ERF: variants seen among roughly 807,000 people sequenced by gnomAD.
ERF encodes ETS2 repressor factor.
In ERF, 10 loss-of-function variants were observed where a neutral mutation model predicts 41.6. The ratio of observed to expected loss-of-function variants is 0.24; its 90% CI spans 0.15 to 0.41. The LOEUF is 0.41. Ranked by LOEUF, ERF falls within the 10% of genes least tolerant of loss-of-function variation. The probability of loss-of-function intolerance (pLI) is 1.00; values close to 1 mark genes in which losing one functional copy is unlikely to be tolerated. For missense variants in ERF, 621 were observed against 763.2 expected (o/e 0.81, Z 2.19); for synonymous variants, 395 against 342.4 (o/e 1.15, Z -1.70).
At position 42,250,624 on chromosome 19, in the gene ERF, T is replaced by A; in HGVS notation, c.23-59A>T. On this transcript the variant is annotated intron_variant, in intron 1 of 3. Coordinates refer to ENST00000222329, the MANE Select transcript of ERF (RefSeq NM_006494.4). The surrounding 1 kb of genome is among the most constrained non-coding windows in gnomAD (Gnocchi z 5.1). ...AGGCTGCCAAGTCCAGGGCTCTGGG[T>A]CCCATCCCAGGGTCCACCTCTGCCC... 3 of 1,545,122 alleles carry A rather than the reference T, an allele frequency of 1.9e-6. No homozygotes were observed. The highest frequency in any genetic ancestry group is 3.7e-5 in the Admixed American group (2 of 54,550).
Position 42,250,698 on chromosome 19 carries a change from G to C in ERF, c.23-133C>G, listed in dbSNP as rs2036429670. 1.2e-6 allele frequency: 1 copy of C among 855,108 alleles called. No individual in the cohort carries two copies. The allele number at this position is 855,108 out of a possible 1,614,324, so 53.0% of individuals were successfully genotyped here. ...TCTCACCTCAGCCAAGTCAAGATCTGATTTAAGAGAAGACAGTGCGTGTCT... is the reference window on the plus strand; with the variant it reads ...TCTCACCTCAGCCAAGTCAAGATCTCATTTAAGAGAAGACAGTGCGTGTCT... On this transcript the variant is annotated intron_variant, in intron 1 of 3. Transcript: ENST00000222329. This position sits in a 1 kb window ranked among gnomAD's most constrained non-coding sequence, Gnocchi z 5.1.
chr19:42,254,039 C>T, intron 1 of ERF: 1 of 623,952 alleles, frequency 1.6e-6, no homozygotes, highest in Non-Finnish European at 2.0e-6. Flanking sequence ...CCGCGCGAGC[C>T]CGGGGGCGGC....
chr19:42,253,210 G>A (rs2036473590), intron 1 of ERF, among the ~76,000 whole-genome samples: 1 of 152,156 alleles, frequency 6.6e-6, no homozygotes. Flanking sequence ...AGAACACGCC[G>A]GCCTCCTGGG....
At chr19:42,253,418 T>TC (rs1161031184) in intron 1 of ERF, among the ~76,000 whole-genome samples, 2 of 149,398 alleles carry the variant, frequency 1.3e-5, no homozygotes, top group Non-Finnish European at 3.0e-5. Flanking sequence ...TCCCCTCCCC[T>TC]CCCCCAGCCG....
rs1220170181 is a variant in ERF, at chr19:42,250,261, A to G, written c.257+70T>C. ...GGGGTCAGACCCAATGCTTGTTCCC[A>G]CAGGCAAGGGGCTGTGCAACCCCGG... is the stretch of plus-strand genomic sequence containing the variant. On this transcript the variant is annotated intron_variant, in intron 2 of 3. Transcript: ENST00000222329. This position sits in a 1 kb window ranked among gnomAD's most constrained non-coding sequence, Gnocchi z 5.1. 3.2e-5 allele frequency: 49 copies of G among 1,541,034 alleles called. No homozygotes were observed. The highest frequency in any genetic ancestry group is 3.0e-5 in the Non-Finnish European group (34 of 1,130,956).
chr19:42,254,936 G>T, intron 1 of ERF, 42 bp downstream of exon 1: 1 of 1,516,742 alleles, frequency 6.6e-7, no homozygotes, highest in Non-Finnish European at 8.8e-7. Flanking sequence ...TCGGTTTCCC[G>T]GGGCAACAAG....
chr19:42,253,586 G>A (rs1185200837), intron 1 of ERF, among the ~76,000 whole-genome samples: 1 of 152,042 alleles, frequency 6.6e-6, no homozygotes, highest in Non-Finnish European at 1.5e-5. Context: ...TGCCCCCAGG[G>A]CCCAGCCACC....
Position 42,248,410 on chromosome 19 carries a change from G to A in ERF, c.*55C>T. 1.4e-6 allele frequency: 2 copies of A among 1,412,108 alleles called. No individual in the cohort carries two copies. The highest frequency in any genetic ancestry group is 1.8e-6 in the Non-Finnish European group (2 of 1,082,234). 87.5% of individuals were successfully genotyped at this position (1,412,108 alleles called of 1,614,324 possible). ...CACCTCCAGGGCATAGGGGGCTTAAGGCAGCAAAAGAAGCATGGGGGGTGC... is the reference window on the plus strand; with the variant it reads ...CACCTCCAGGGCATAGGGGGCTTAAAGCAGCAAAAGAAGCATGGGGGGTGC... On this transcript the variant is annotated 3_prime_UTR_variant, in exon 4 of 4. Coordinates refer to ENST00000222329, the MANE Select transcript of ERF (RefSeq NM_006494.4). This position sits in a 1 kb window ranked among gnomAD's most constrained non-coding sequence, Gnocchi z 4.2.
In ERF at chr19:42,250,971, C is replaced by T. The variant is rs2036435614; in HGVS notation, c.23-406G>A. ...CCCCACTCCCATTCAGAGCCAGTTG[C>T]ACCACCCCAGCTCCTCGGATGTCCT... is the stretch of plus-strand genomic sequence containing the variant. On this transcript the variant is annotated intron_variant, in intron 1 of 3. Transcript: ENST00000222329. This position sits in a 1 kb window ranked among gnomAD's most constrained non-coding sequence, Gnocchi z 5.1. 6.6e-6 allele frequency among the ~76,000 whole-genome samples: 1 copy of T among 152,122 alleles called. No homozygotes were observed. The highest frequency in any genetic ancestry group is 2.1e-4 in the South Asian group (1 of 4,824).
intron 1 of ERF, 26 bp downstream of exon 1, chr19:42,254,952 C>A: frequency 6.6e-7 from 1 of 1,512,442 alleles, no homozygotes. Flanking sequence ...ACAAGTCTCC[C>A]CCACACGTGC....
In ERF at chr19:42,250,044, G is replaced by A; in HGVS notation, c.258-102C>T. ...TAGGTGTGGTTCCCAAAGGCCAACTGAGGAACGTAGGCCACAAAAGACAAA... is the reference window on the plus strand; with the variant it reads ...TAGGTGTGGTTCCCAAAGGCCAACTAAGGAACGTAGGCCACAAAAGACAAA... On this transcript the variant is annotated intron_variant, in intron 2 of 3. Coordinates refer to ENST00000222329, the MANE Select transcript of ERF (RefSeq NM_006494.4). The surrounding 1 kb of genome is among the most constrained non-coding windows in gnomAD (Gnocchi z 5.1). 1 of 1,150,662 alleles carries A rather than the reference G, an allele frequency of 8.7e-7. No homozygotes were observed. Among genetic ancestry groups the A allele is most frequent in the Non-Finnish European group, 1.3e-6 (1 of 765,326 alleles). 71.3% of individuals were successfully genotyped at this position (1,150,662 alleles called of 1,614,324 possible).
At chr19:42,252,338 C>T (rs1165483270) in intron 1 of ERF, among the ~76,000 whole-genome samples, 1 of 152,204 alleles carries the variant, frequency 6.6e-6, no homozygotes. Context: ...CTGACTTCCA[C>T]CCTCCCCCCA....
chr19:42,252,625 C>T (rs1378486624), intron 1 of ERF, among the ~76,000 whole-genome samples: 1 of 152,192 alleles, frequency 6.6e-6, no homozygotes, highest in African/African-American at 2.4e-5. Flanking sequence ...GGCCTGGACC[C>T]TGGCTCCCAC....
rs1307887473 is a variant in ERF at position 42,248,559 on chromosome 19, G to A, written c.1553C>T (p.Pro518Leu). The A allele has an allele frequency of 3.2e-6, 5 of 1,565,210 alleles. No homozygotes were observed. The highest frequency in any genetic ancestry group is 4.3e-6 in the Non-Finnish European group (5 of 1,156,100). Reference sequence around the variant, plus strand: ...GGTGAGGGGCCCCCCAGCCTCCCCAGGCCCCTCCCCACGCACCTTCTTGTC... The same window carrying A: ...GGTGAGGGGCCCCCCAGCCTCCCCAAGCCCCTCCCCACGCACCTTCTTGTC... ...GEDKKVRGEG[P>L]GEAGGPLTPR... The change falls in exon 4 of 4, where the codon CCT becomes CTT. Residue 518 changes from proline to leucine, a missense_variant. Physicochemically the swap from Pro to Leu is moderately conservative, Grantham distance 98. Coordinates refer to ENST00000222329, the MANE Select transcript of ERF (RefSeq NM_006494.4). The surrounding 1 kb of genome is among the most constrained non-coding windows in gnomAD (Gnocchi z 4.2).
In ERF at chr19:42,255,032, C is replaced by T; in HGVS notation, c.-33G>A. On this transcript the variant is annotated 5_prime_UTR_variant, in exon 1 of 4. Coordinates refer to ENST00000222329, the MANE Select transcript of ERF (RefSeq NM_006494.4). Reference sequence around the variant, plus strand: ...GGCCCGGGGCGAAGCGCCCCGATTCCGGGCCGCGGCTCCCGGCGCCCTCGC... The same window carrying T: ...GGCCCGGGGCGAAGCGCCCCGATTCTGGGCCGCGGCTCCCGGCGCCCTCGC... 1 of 1,385,000 alleles carries T rather than the reference C, an allele frequency of 7.2e-7. No individual in the cohort carries two copies. Among genetic ancestry groups the T allele is most frequent in the Non-Finnish European group, 9.3e-7 (1 of 1,069,880 alleles). 85.8% of individuals were successfully genotyped at this position (1,385,000 alleles called of 1,614,324 possible).
At chr19:42,252,745 G>A (rs2036465174) in intron 1 of ERF, among the ~76,000 whole-genome samples, 1 of 152,140 alleles carries the variant, frequency 6.6e-6, no homozygotes, top group Non-Finnish European at 1.5e-5. Flanking sequence ...GGAGAATGAA[G>A]AGGGGGTGAC....
At position 42,249,395 on chromosome 19, in the gene ERF, C is replaced by A. The variant is rs1211322399; in HGVS notation, c.717G>T (p.Arg239=). The change falls in exon 4 of 4, where the codon CGG becomes CGT. Residue 239 remains arginine (R), a synonymous_variant. Coordinates refer to ENST00000222329, the MANE Select transcript of ERF (RefSeq NM_006494.4). The surrounding 1 kb of genome is among the most constrained non-coding windows in gnomAD (Gnocchi z 8.6). ...PGVFRVYPRP[R]GGPEPLSPFP... Reference sequence around the variant, plus strand: ...AGGGGCTGAGGGGTTCAGGGCCACCCCGAGGCCGGGGATAGACTCGGAAGA... The same window carrying A: ...AGGGGCTGAGGGGTTCAGGGCCACCACGAGGCCGGGGATAGACTCGGAAGA... 1 of 1,574,598 alleles carries A rather than the reference C, an allele frequency of 6.4e-7. No homozygotes were observed. The highest frequency in any genetic ancestry group is 2.3e-5 in the East Asian group (1 of 43,646).
In ERF at chr19:42,249,393, C is replaced by A. The variant is rs761055327; in HGVS notation, c.719G>T (p.Gly240Val). Residue 240 changes from glycine (G) to valine (V), a missense_variant, in exon 4 of 4, where the codon GGT (glycine) becomes GTT (valine). By Grantham distance (109) the Gly-to-Val change is moderately radical. Around this residue, in one of 3 missense-constraint regions of ERF, gnomAD observed 569 missense variants for 625.5 expected, o/e 0.91. Transcript: ENST00000222329. The surrounding 1 kb of genome is among the most constrained non-coding windows in gnomAD (Gnocchi z 8.6). ...GAAGGGGCTGAGGGGTTCAGGGCCA[C>A]CCCGAGGCCGGGGATAGACTCGGAA... ...GVFRVYPRPR[G>V]GPEPLSPFPV... The A allele has an allele frequency of 6.4e-7, 1 of 1,574,202 alleles. No individual in the cohort carries two copies.
At position 42,248,273 on chromosome 19, in the gene ERF, G is replaced by T; in HGVS notation, c.*192C>A. ...CCACAGAGACAGGGAATAGCCCCTA[G>T]CCCTGGGCACCCACCCACCCCCACC... On this transcript the variant is annotated 3_prime_UTR_variant, in exon 4 of 4. Coordinates refer to ENST00000222329, the MANE Select transcript of ERF (RefSeq NM_006494.4). This position sits in a 1 kb window ranked among gnomAD's most constrained non-coding sequence, Gnocchi z 4.2. 5 of 233,660 alleles carry T rather than the reference G, an allele frequency of 2.1e-5. No individual in the cohort carries two copies. Among genetic ancestry groups the T allele is most frequent in the East Asian group, 9.9e-5 (1 of 10,104 alleles). 14.5% of individuals were successfully genotyped at this position (233,660 alleles called of 1,614,324 possible). A position where few individuals can be genotyped will look rare whatever the true frequency, so the allele number is the denominator to read the frequency against.
Sources: allele counts gnomAD v4.1 joint callset (sites outside exome capture counted in the v4.1 genomes callset), GRCh38; gene constraint gnomAD v4.1.1; regional missense constraint gnomAD v4.1.1; non-coding constraint Gnocchi (gnomAD v3.1); transcripts MANE v1.5; gene names NCBI Gene and HGNC (gene_info 2026-07-23, HGNC 2026-07-21).